COX7B2: variants seen among roughly 807,000 people sequenced by gnomAD.
The protein encoded by COX7B2 is cytochrome c oxidase subunit 7B2, also known as cytochrome c oxidase subunit 7B2, mitochondrial.
For missense variants in COX7B2, 109 were observed against 95.9 expected (o/e 1.14, Z -0.57); for synonymous variants, 37 against 32.1 (o/e 1.15, Z -0.51).
At chr4:46,843,024 T>G (rs1197920338) in intron 2 of COX7B2, among the ~76,000 whole-genome samples, 1 of 152,068 alleles carries the variant, frequency 6.6e-6, no homozygotes, top group Non-Finnish European at 1.5e-5. Context: ...ACCAACAGTG[T>G]AAAAGTGTTC....
Position 46,874,725 on chromosome 4 carries a change from A to G in COX7B2, c.-104-29711T>C, listed in dbSNP as rs181110530. 8.7e-5 allele frequency among the ~76,000 whole-genome samples: 13 copies of G among 149,814 alleles called. No homozygotes were observed. The East Asian group carries it at 1.2e-3, about 13-fold the overall frequency. On this transcript the variant is annotated intron_variant, in intron 1 of 2. Coordinates refer to ENST00000355591, the MANE Select transcript of COX7B2 (RefSeq NM_130902.3). ...AGATAAACTACTTTAAAATGTCAGG[A>G]AAAAAAAATGTATACTTGGCCAAAT...
At chr4:46,862,191 G>T (rs1006886232) in intron 1 of COX7B2, among the ~76,000 whole-genome samples, 2 of 152,156 alleles carry the variant, frequency 1.3e-5, no homozygotes, top group Admixed American at 6.5e-5. Flanking sequence ...GAGAAAAGAG[G>T]TTTTTAAAAT....
intron 2 of COX7B2, among the ~76,000 whole-genome samples, chr4:46,807,422 G>GAT (rs1281039057): frequency 6.6e-6 from 1 of 151,924 alleles, no homozygotes; most frequent in Non-Finnish European, 1.5e-5. Flanking sequence ...ACGCTTATCA[G>GAT]ATATATAGTT....
At chr4:46,831,614 C>T (rs1577626417) in intron 2 of COX7B2, among the ~76,000 whole-genome samples, 2 of 152,168 alleles carry the variant, frequency 1.3e-5, no homozygotes, top group African/African-American at 4.8e-5. Context: ...ACACACCAAT[C>T]AGCATCCTGT....
In COX7B2 at chr4:46,744,364, C is replaced by A. The variant is rs77864652; in HGVS notation, c.-49-9123G>T. Among the ~76,000 whole-genome samples, 618 of 152,056 alleles carry A rather than the reference C, an allele frequency of 4.1e-3. 4 individuals carry two copies. The highest frequency in any genetic ancestry group is 0.014 in the African/African-American group (592 of 41,452). ...CCTGCTATAAACCCTTAATTTCAGT[C>A]GGTCGGAGAGACGAATTTGAGATTG... On this transcript the variant is annotated intron_variant, in intron 2 of 2. Coordinates refer to ENST00000355591, the MANE Select transcript of COX7B2 (RefSeq NM_130902.3).
chr4:46,880,520 G>A (rs936255804), intron 1 of COX7B2, among the ~76,000 whole-genome samples: 30 of 150,824 alleles, frequency 2.0e-4, no homozygotes, highest in Non-Finnish European at 4.3e-4. Flanking sequence ...CTCAGTCTTG[G>A]GAGGGTGCAT....
chr4:46,879,741 T>C (rs1304990018), intron 1 of COX7B2, among the ~76,000 whole-genome samples: 1 of 149,950 alleles, frequency 6.7e-6, no homozygotes, highest in East Asian at 2.0e-4. Flanking sequence ...AAAAAGCCAA[T>C]TGAGACATAT....
At chr4:46,811,352 T>G (rs1293744946) in intron 2 of COX7B2, among the ~76,000 whole-genome samples, 1 of 152,050 alleles carries the variant, frequency 6.6e-6, no homozygotes, top group Non-Finnish European at 1.5e-5. Context: ...TATTTTAATT[T>G]TCCTTTGAGT....
intron 2 of COX7B2, among the ~76,000 whole-genome samples, chr4:46,740,016 A>AT (rs1393826934): frequency 6.6e-6 from 1 of 151,916 alleles, no homozygotes; most frequent in Admixed American, 6.6e-5. Flanking sequence ...TTCATTTTTA[A>AT]TTTTTTATTT....
At chr4:46,736,123 T>C (rs1714348812) in intron 2 of COX7B2, among the ~76,000 whole-genome samples, 1 of 152,228 alleles carries the variant, frequency 6.6e-6, no homozygotes, top group Non-Finnish European at 1.5e-5. Flanking sequence ...ATCATTTTAG[T>C]ATCATACAGA....
In COX7B2 at chr4:46,892,794, T is replaced by C. The variant is rs1411915147; in HGVS notation, c.-105+16366A>G. ...CATGGACCGATACGGTTTCGCTGTG[T>C]CCCCACCCAAATCTCATCTTGAGTT... On this transcript the variant is annotated intron_variant, in intron 1 of 2. Transcript: ENST00000355591. Among the ~76,000 whole-genome samples, 5 of 152,284 alleles carry C rather than the reference T, an allele frequency of 3.3e-5. No homozygotes were observed. In the East Asian group the frequency reaches 7.7e-4, roughly 24 times the overall value.
chr4:46,786,504 G>A (rs1240629450), intron 2 of COX7B2, among the ~76,000 whole-genome samples: 2 of 152,138 alleles, frequency 1.3e-5, no homozygotes, highest in Non-Finnish European at 2.9e-5. Flanking sequence ...TTCTCTGGGT[G>A]CATTACAATT....
intron 2 of COX7B2, among the ~76,000 whole-genome samples, chr4:46,801,135 T>C (rs1416749573): frequency 6.6e-6 from 1 of 152,180 alleles, no homozygotes; most frequent in African/African-American, 2.4e-5. Context: ...TATATATTCC[T>C]GGTGGGAATG....
At chr4:46,908,934 C>T (rs1230586961) in intron 1 of COX7B2, among the ~76,000 whole-genome samples, 2 of 151,880 alleles carry the variant, frequency 1.3e-5, no homozygotes, top group African/African-American at 4.8e-5. Flanking sequence ...GTCCCAGCTA[C>T]TCGGGAGGCT....
At chr4:46,856,899 A>G (rs1304437569) in intron 1 of COX7B2, among the ~76,000 whole-genome samples, 1 of 152,226 alleles carries the variant, frequency 6.6e-6, no homozygotes, top group Non-Finnish European at 1.5e-5. Flanking sequence ...AGAATTTCAC[A>G]GATAGGTGAA....
At chr4:46,878,439 T>G (rs896411478) in intron 1 of COX7B2, among the ~76,000 whole-genome samples, 18 of 151,848 alleles carry the variant, frequency 1.2e-4, no homozygotes, top group African/African-American at 4.4e-4. Context: ...ATAATTTGCA[T>G]GACTGTAGTA....
intron 2 of COX7B2, among the ~76,000 whole-genome samples, chr4:46,790,579 T>A (rs1717988190): frequency 6.6e-6 from 1 of 152,130 alleles, no homozygotes; most frequent in Non-Finnish European, 1.5e-5. Context: ...ACAATTAGAG[T>A]CATCCCAAAC....
At chr4:46,906,857 GC>G (rs527709400) in intron 1 of COX7B2, among the ~76,000 whole-genome samples, 3 of 152,142 alleles carry the variant, frequency 2.0e-5, no homozygotes, top group African/African-American at 7.2e-5. Context: ...ATTCCAATAT[GC>G]CCCTCTTGCT....
chr4:46,872,121 C>T (rs1383779095), intron 1 of COX7B2, among the ~76,000 whole-genome samples: 1 of 152,098 alleles, frequency 6.6e-6, no homozygotes, highest in Non-Finnish European at 1.5e-5. Context: ...TATATATACA[C>T]CATGGAATAC....
Sources: allele counts gnomAD v4.1 joint callset (sites outside exome capture counted in the v4.1 genomes callset), GRCh38; gene constraint gnomAD v4.1.1; transcripts MANE v1.5; gene names NCBI Gene and HGNC (gene_info 2026-07-23, HGNC 2026-07-21).